The following CARMIL1 variants were observed in gnomAD, a reference collection of about 807,000 sequenced individuals.
CARMIL1 encodes the protein F-actin-uncapping protein LRRC16A.
A neutral mutation model predicts 177.1 loss-of-function variants in CARMIL1; 90 were observed. The ratio of observed to expected loss-of-function variants is 0.51; its 90% CI spans 0.43 to 0.61. The LOEUF (loss-of-function observed/expected upper bound fraction) is 0.61, where lower values mean the gene tolerates loss of function less well. CARMIL1 is among the 20% of genes least tolerant of loss of function. CARMIL1 has a pLI of 0.00. For missense variants in CARMIL1, 1,380 were observed against 1,667.0 expected (o/e 0.83, Z 3.00); for synonymous variants, 577 against 606.2 (o/e 0.95, Z 0.71).
At position 25,554,812 on chromosome 6, in the gene CARMIL1, C is replaced by A. The variant is rs1399859302; in HGVS notation, c.2592+716C>A. On this transcript the variant is annotated intron_variant, in intron 28 of 36. Transcript: ENST00000329474. This position sits in a 1 kb window ranked among gnomAD's most constrained non-coding sequence, Gnocchi z 4.6. ...AATGTTTCCTTCAAGAAAAATAATT[C>A]TTCAATGTTTTCTTAACTGTGCGGG... Among the ~76,000 whole-genome samples, 2 of 152,144 alleles carry A rather than the reference C, an allele frequency of 1.3e-5. No individual in the cohort carries two copies. Among genetic ancestry groups the A allele is most frequent in the African/African-American group, 2.4e-5 (1 of 41,440 alleles).
intron 31 of CARMIL1, among the ~76,000 whole-genome samples, chr6:25,585,663 G>A (rs1813573947): frequency 6.6e-6 from 1 of 152,196 alleles, no homozygotes; most frequent in Non-Finnish European, 1.5e-5. Context: ...GTGAACAAGG[G>A]TCTCTGGTTT....
intron 1 of CARMIL1, among the ~76,000 whole-genome samples, chr6:25,284,507 C>T (rs954639975): frequency 2.6e-5 from 4 of 152,192 alleles, no homozygotes; most frequent in Admixed American, 2.6e-4. Context: ...GTCAGGAGTT[C>T]AAGACCAGCC....
chr6:25,565,358 G>A (rs117453296), intron 29 of CARMIL1, among the ~76,000 whole-genome samples: 1 of 152,204 alleles, frequency 6.6e-6, no homozygotes, highest in Non-Finnish European at 1.5e-5. Flanking sequence ...CAAGATTGAG[G>A]TACTCACAAG....
chr6:25,478,381 C>G (rs555376361), intron 11 of CARMIL1, among the ~76,000 whole-genome samples: 2 of 152,268 alleles, frequency 1.3e-5, no homozygotes, highest in Admixed American at 1.3e-4. Context: ...CCTACCTTCT[C>G]TGTACCTCAG....
intron 5 of CARMIL1, among the ~76,000 whole-genome samples, chr6:25,445,703 T>G (rs1233813756): frequency 6.6e-6 from 1 of 150,600 alleles, no homozygotes; most frequent in Non-Finnish European, 1.5e-5. Flanking sequence ...TCCGGCTAAT[T>G]TTTTTTTTGT....
At chr6:25,289,222 T>C (rs901826212) in intron 2 of CARMIL1, among the ~76,000 whole-genome samples, 11 of 152,204 alleles carry the variant, frequency 7.2e-5, no homozygotes, top group Admixed American at 3.9e-4. Flanking sequence ...ACATGTCATA[T>C]GTTGTTGAAA....
chr6:25,437,389 T>G (rs1041227649), intron 5 of CARMIL1, among the ~76,000 whole-genome samples: 1 of 152,236 alleles, frequency 6.6e-6, no homozygotes, highest in African/African-American at 2.4e-5. Flanking sequence ...TTTGGATTCT[T>G]CCATTTTTTT....
intron 2 of CARMIL1, among the ~76,000 whole-genome samples, chr6:25,339,651 T>C (rs1786692568): frequency 1.3e-5 from 2 of 152,208 alleles, no homozygotes; most frequent in Non-Finnish European, 1.5e-5. Context: ...GGATACCAGA[T>C]AGAAGCTTCA....
intron 15 of CARMIL1, among the ~76,000 whole-genome samples, 161 bp from the exon 16 acceptor site, chr6:25,494,950 T>C (rs1803557616): frequency 6.6e-6 from 1 of 152,240 alleles, no homozygotes; most frequent in Non-Finnish European, 1.5e-5. Flanking sequence ...TTTAATGATA[T>C]TGGATTTATG....
chr6:25,427,900 T>G (rs1796414688), intron 4 of CARMIL1, among the ~76,000 whole-genome samples: 1 of 152,220 alleles, frequency 6.6e-6, no homozygotes, highest in South Asian at 2.1e-4. Context: ...TATTGAATTT[T>G]GAGTTTTTAA....
In CARMIL1 at chr6:25,517,355, T is replaced by C; in HGVS notation, c.1814T>C (p.Ile605Thr). 1 of 1,612,928 alleles carries C rather than the reference T, an allele frequency of 6.2e-7. No individual in the cohort carries two copies. The highest frequency in any genetic ancestry group is 8.5e-7 in the Non-Finnish European group (1 of 1,179,208). The change falls in exon 22 of 37, where the codon ATA becomes ACA. Residue 605 changes from isoleucine (I) to threonine (T), a missense_variant. Coordinates refer to ENST00000329474, the MANE Select transcript of CARMIL1 (RefSeq NM_017640.6). ...ATTTGATTTTCAAACAGGACTGTAA[T>C]ATGGGACAAGAACAACATCACTGCA... is the stretch of plus-strand genomic sequence containing the variant. ...LQINTKLRTV[I>T]WDKNNITAQG...
chr6:25,356,387 A>T (rs1182711665), intron 2 of CARMIL1, among the ~76,000 whole-genome samples: 1 of 152,190 alleles, frequency 6.6e-6, no homozygotes. Flanking sequence ...TCAGCCATTC[A>T]GTGAGTTTGC....
chr6:25,375,072 A>G (rs1044170421), intron 2 of CARMIL1, among the ~76,000 whole-genome samples: 2 of 152,146 alleles, frequency 1.3e-5, no homozygotes, highest in Non-Finnish European at 2.9e-5. Context: ...TCTTCATTGT[A>G]TTATTGTTGA....
chr6:25,484,954 G>A (rs1209465499), intron 12 of CARMIL1, among the ~76,000 whole-genome samples: 1 of 152,124 alleles, frequency 6.6e-6, no homozygotes, highest in Non-Finnish European at 1.5e-5. Flanking sequence ...GAGGATGCTT[G>A]AGCTCAGGAG....
chr6:25,370,564 G>T (rs1364909005), intron 2 of CARMIL1, among the ~76,000 whole-genome samples: 1 of 152,260 alleles, frequency 6.6e-6, no homozygotes, highest in South Asian at 2.1e-4. Context: ...GGAATATTTT[G>T]TCTTTTGTAC....
chr6:25,438,978 C>T (rs1797480886), intron 5 of CARMIL1, among the ~76,000 whole-genome samples: 1 of 151,774 alleles, frequency 6.6e-6, no homozygotes, highest in Non-Finnish European at 1.5e-5. Context: ...AAGGTAGCAG[C>T]ATTAGGTATT....
chr6:25,509,026 T>G lies in CARMIL1; in HGVS notation c.1396-630T>G, dbSNP rs1289528406. Among the ~76,000 whole-genome samples the G allele has an allele frequency of 6.6e-6, 1 of 152,238 alleles. No individual in the cohort carries two copies. The highest frequency in any genetic ancestry group is 1.5e-5 in the Non-Finnish European group (1 of 68,036). The stretch of plus-strand genomic sequence containing the variant: ...GAGAATAATCATTTGCACTTAGTTT[T>G]GCTCTAAAACAATCATGATAATAAT... On this transcript the variant is annotated intron_variant, in intron 17 of 36. Coordinates refer to ENST00000329474, the MANE Select transcript of CARMIL1 (RefSeq NM_017640.6). The surrounding 1 kb of genome is among the most constrained non-coding windows in gnomAD (Gnocchi z 4.1).
At chr6:25,491,088 G>A (rs1280781417) in intron 13 of CARMIL1, among the ~76,000 whole-genome samples, 1 of 152,148 alleles carries the variant, frequency 6.6e-6, no homozygotes, top group Non-Finnish European at 1.5e-5. Context: ...TATCTCAGTT[G>A]AACTGATCTG....
chr6:25,357,686 A>G (rs1461400250), intron 2 of CARMIL1, among the ~76,000 whole-genome samples: 1 of 152,246 alleles, frequency 6.6e-6, no homozygotes, highest in Non-Finnish European at 1.5e-5. Flanking sequence ...AGTTTACTCC[A>G]TCATGAGTAG....
Sources: allele counts gnomAD v4.1 joint callset (sites outside exome capture counted in the v4.1 genomes callset), GRCh38; gene constraint gnomAD v4.1.1; non-coding constraint Gnocchi (gnomAD v3.1); transcripts MANE v1.5; gene names NCBI Gene and HGNC (gene_info 2026-07-23, HGNC 2026-07-21).